Variants in KCNJ6 observed in about 807,000 individuals in gnomAD.
The protein encoded by KCNJ6 is potassium inwardly rectifying channel subfamily J member 6.
A neutral mutation model predicts 34.2 loss-of-function variants in KCNJ6; 9 were observed. The ratio of observed to expected loss-of-function variants is 0.26; its 90% confidence interval spans 0.16 to 0.46. The LOEUF (loss-of-function observed/expected upper bound fraction) is 0.46. KCNJ6 is among the 20% of genes least tolerant of loss of function. The probability of loss-of-function intolerance (pLI) is 1.00; values close to 1 mark genes in which losing one functional copy is unlikely to be tolerated. For missense variants in KCNJ6, 236 were observed against 531.3 expected, an observed-to-expected ratio of 0.44 and a Z score of 5.46; for synonymous variants, 196 against 207.1, an observed-to-expected ratio of 0.95 and a Z score of 0.46.
At chr21:37,677,455 A>G (rs1441253082) in intron 3 of KCNJ6, among the ~76,000 whole-genome samples, 2 of 152,116 alleles carry the variant, frequency 1.3e-5, no homozygotes, top group African/African-American at 4.8e-5. Flanking sequence ...GTTTGCAGAA[A>G]TACTAACGAG....
rs575393734 is a variant in KCNJ6, at chr21:37,866,970, G to A, written c.-27-26261C>T. ...TCTAAATTGTAGAGAACTGATGGCA[G>A]TGCAGTTATAATTGGCAACGCAAAC... On this transcript the variant is annotated intron_variant, in intron 1 of 3. Coordinates refer to ENST00000609713, the MANE Select transcript of KCNJ6 (RefSeq NM_002240.5). Among the ~76,000 whole-genome samples, 15 of 152,336 alleles carry A rather than the reference G, an allele frequency of 9.8e-5. No homozygotes were observed. In the South Asian group the frequency reaches 1.7e-3, roughly 17 times the overall value.
intron 2 of KCNJ6, among the ~76,000 whole-genome samples, chr21:37,756,049 G>A (rs930336676): frequency 2.6e-5 from 4 of 152,240 alleles, no homozygotes; most frequent in Admixed American, 2.6e-4. Context: ...TCCAGGTTCT[G>A]TGGATGGATG....
rs909942352 is a variant in KCNJ6, at chr21:37,607,478, ATATAT to A, written c.*17676_*17680del. 8 of 132,800 alleles carry A rather than the reference ATATAT, an allele frequency of 6.0e-5. No individual in the cohort carries two copies. Among genetic ancestry groups the A allele is most frequent in the Non-Finnish European group, 9.6e-5 (6 of 62,484 alleles). 8.2% of individuals were successfully genotyped at this position (132,800 alleles called of 1,614,324 possible). ...AGTTCTTAAAGATATATATATATAT[ATATAT>A]TTTTTTTTTATTTTAAAAAAATTTG... On this transcript the variant is annotated 3_prime_UTR_variant, in exon 4 of 4. Coordinates refer to ENST00000609713, the MANE Select transcript of KCNJ6 (RefSeq NM_002240.5).
intron 1 of KCNJ6, among the ~76,000 whole-genome samples, chr21:37,846,933 C>T (rs1428103837): frequency 1.3e-5 from 2 of 152,078 alleles, no homozygotes; most frequent in Non-Finnish European, 2.9e-5. Flanking sequence ...CACCTGAGGA[C>T]TGATTTAAAT....
intron 1 of KCNJ6, among the ~76,000 whole-genome samples, chr21:37,889,402 C>T (rs2055751049): frequency 7.0e-6 from 1 of 143,088 alleles, no homozygotes; most frequent in Non-Finnish European, 1.5e-5. Context: ...TTGGTGCAGG[C>T]TTTAATAGGA....
intron 2 of KCNJ6, among the ~76,000 whole-genome samples, chr21:37,789,284 T>C (rs886208811): frequency 2.0e-5 from 3 of 152,208 alleles, no homozygotes; most frequent in Admixed American, 6.5e-5. Context: ...TGACTGTACT[T>C]GGACATAGAG....
intron 3 of KCNJ6, among the ~76,000 whole-genome samples, chr21:37,655,240 AGAGAGAGAG>A (rs2054457264): frequency 2.9e-3 from 26 of 8,874 alleles, no homozygotes; most frequent in Non-Finnish European, 5.0e-3. Flanking sequence ...AGAGAGAGAG[AGAGAGAGAG>A]AGAGAGAGAG....
Position 37,614,730 on chromosome 21 carries a change from GTGTA to G in KCNJ6, c.*10425_*10428del, listed in dbSNP as rs1445993064. On this transcript the variant is annotated 3_prime_UTR_variant, in exon 4 of 4. Coordinates refer to ENST00000609713, the MANE Select transcript of KCNJ6 (RefSeq NM_002240.5). Reference sequence around the variant, plus strand: ...TATGCATGTGCATGTATGCGTGTGTGTGTATGCGCATGTCTCTGTATGTGTGTGT... The same window carrying G: ...TATGCATGTGCATGTATGCGTGTGTGTGCGCATGTCTCTGTATGTGTGTGT... 2 of 141,730 alleles carry G rather than the reference GTGTA, an allele frequency of 1.4e-5. No individual in the cohort carries two copies. The highest frequency in any genetic ancestry group is 3.1e-5 in the Non-Finnish European group (2 of 63,682). 8.8% of individuals were successfully genotyped at this position (141,730 alleles called of 1,614,324 possible).
chr21:37,850,122 C>T (rs1361631827), intron 1 of KCNJ6, among the ~76,000 whole-genome samples: 1 of 152,108 alleles, frequency 6.6e-6, no homozygotes, highest in Non-Finnish European at 1.5e-5. Context: ...AGTGATAGTT[C>T]CAGGGAAAGA....
chr21:37,636,083 C>T (rs2054356702), intron 3 of KCNJ6, among the ~76,000 whole-genome samples: 1 of 152,144 alleles, frequency 6.6e-6, no homozygotes, highest in Admixed American at 6.5e-5. Context: ...GTACTGATGT[C>T]TGAGGGAGAG....
At chr21:37,648,754 C>G (rs986722679) in intron 3 of KCNJ6, among the ~76,000 whole-genome samples, 4 of 152,108 alleles carry the variant, frequency 2.6e-5, no homozygotes, top group Non-Finnish European at 1.5e-5. Flanking sequence ...AGTCATTTGT[C>G]CAATCACATC....
rs779727700 is a variant in KCNJ6, at chr21:37,766,675, G to A, written c.26-51544C>T. Among the ~76,000 whole-genome samples the A allele has an allele frequency of 3.3e-4, 50 of 152,248 alleles. 1 individual carries two copies. The highest frequency in any genetic ancestry group is 1.0e-3 in the South Asian group (5 of 4,828). ...GATGGACTTTACTGGCTTTGCAGTTGCACCAAAGGAAACGATCACTGAATC... is the reference window on the plus strand; with the variant it reads ...GATGGACTTTACTGGCTTTGCAGTTACACCAAAGGAAACGATCACTGAATC... On this transcript the variant is annotated intron_variant, in intron 2 of 3. Coordinates refer to ENST00000609713, the MANE Select transcript of KCNJ6 (RefSeq NM_002240.5).
chr21:37,847,414 C>T lies in KCNJ6; in HGVS notation c.-27-6705G>A, dbSNP rs554767684. 7.9e-3 allele frequency among the ~76,000 whole-genome samples: 511 copies of T among 64,568 alleles called. 2 individuals are homozygous for T. In the Middle Eastern group the frequency reaches 0.12, roughly 16 times the overall value. 42.4% of individuals were successfully genotyped at this position (64,568 alleles called of 152,430 possible). A position where few individuals can be genotyped will look rare whatever the true frequency, so the allele number is the denominator to read the frequency against. On this transcript the variant is annotated intron_variant, in intron 1 of 3. Transcript: ENST00000609713. ...TTCTGCACCTGCACTCTCTCAGCCA[C>T]GGTGCCACCTGCAACCCTAGGAACT...
intron 2 of KCNJ6, among the ~76,000 whole-genome samples, chr21:37,740,578 T>C (rs1184066051): frequency 6.6e-6 from 1 of 152,236 alleles, no homozygotes; most frequent in African/African-American, 2.4e-5. Flanking sequence ...TGAAGTCTCA[T>C]GTCTCCCTAA....
chr21:37,749,345 C>T (rs2835931), intron 2 of KCNJ6, among the ~76,000 whole-genome samples: 38,434 of 152,004 alleles, frequency 0.25, 5,218 homozygotes, highest in East Asian at 0.51. Flanking sequence ...GAATAAAGTA[C>T]GCGTGGGCAA....
chr21:37,905,113 C>T (rs1372849515), intron 1 of KCNJ6, among the ~76,000 whole-genome samples: 1 of 152,190 alleles, frequency 6.6e-6, no homozygotes, highest in Admixed American at 6.5e-5. Context: ...CCATCATCAG[C>T]CTGCTCTCTT....
chr21:37,752,830 G>A (rs1345931413), intron 2 of KCNJ6, among the ~76,000 whole-genome samples: 1 of 152,222 alleles, frequency 6.6e-6, no homozygotes, highest in Non-Finnish European at 1.5e-5. Flanking sequence ...GAAGACCTGT[G>A]ACTGTAGGAT....
intron 2 of KCNJ6, among the ~76,000 whole-genome samples, chr21:37,823,149 G>A (rs532155364): frequency 2.0e-5 from 3 of 152,212 alleles, no homozygotes; most frequent in Non-Finnish European, 4.4e-5. Flanking sequence ...CAGTCTGCAG[G>A]CCAGCACCTG....
intron 2 of KCNJ6, among the ~76,000 whole-genome samples, chr21:37,729,340 G>A (rs550435939): frequency 2.0e-5 from 3 of 151,838 alleles, no homozygotes; most frequent in Admixed American, 1.3e-4. Flanking sequence ...TTTTTGGGGG[G>A]GGGGGCAGGG....
Sources: gnomAD v4.1 joint callset for allele counts (sites outside exome capture counted in the v4.1 genomes callset) on GRCh38, gnomAD v4.1.1 for gene constraint, MANE v1.5 for transcripts, NCBI Gene and HGNC (gene_info 2026-07-23, HGNC 2026-07-21) for gene names.